Variants in TENM3 observed in about 807,000 individuals in gnomAD.
The protein encoded by TENM3 is teneurin transmembrane protein 3.
In TENM3, 63 loss-of-function variants were observed where a neutral mutation model predicts 255.1. That is an observed-to-expected ratio of 0.25 (90% confidence interval 0.20 to 0.30). TENM3 has a LOEUF of 0.30. TENM3 is among the 10% of genes least tolerant of loss of function. The pLI is 1.00. For missense variants in TENM3, 2,929 were observed against 3,461.1 expected (o/e 0.85, Z 3.86); for synonymous variants, 1,306 against 1,322.3 (o/e 0.99, Z 0.27).
the TENM3 span, among the ~76,000 whole-genome samples, chr4:181,529,639 C>G: frequency 6.6e-6 from 1 of 152,120 alleles, no homozygotes; most frequent in Non-Finnish European, 1.5e-5. Context: ...ATGAGCTGCA[C>G]TTGGAAATAA....
At chr4:182,466,416 C>G (rs1401743927) in intron 3 of TENM3, among the ~76,000 whole-genome samples, 1 of 152,148 alleles carries the variant, frequency 6.6e-6, no homozygotes, top group Non-Finnish European at 1.5e-5. Context: ...TCTTCTGTGT[C>G]TCTGTGAGGC....
intron 4 of TENM3, among the ~76,000 whole-genome samples, chr4:182,601,977 G>A (rs764210245): frequency 6.6e-6 from 1 of 152,184 alleles, no homozygotes; most frequent in Non-Finnish European, 1.5e-5. Flanking sequence ...AGGACTTCTC[G>A]CAAAGGCTGG....
intron 1 of TENM3, among the ~76,000 whole-genome samples, chr4:182,197,125 T>C (rs1252535217): frequency 1.3e-5 from 2 of 152,226 alleles, no homozygotes; most frequent in African/African-American, 4.8e-5. Context: ...TGTTAATCTA[T>C]TTCCTATACA....
chr4:181,654,007 C>G, the TENM3 span, among the ~76,000 whole-genome samples: 1 of 151,876 alleles, frequency 6.6e-6, no homozygotes, highest in Non-Finnish European at 1.5e-5. Flanking sequence ...CCCAGCCAGT[C>G]AGGCTGGCAA....
the TENM3 span, among the ~76,000 whole-genome samples, chr4:181,735,897 C>T: frequency 6.6e-6 from 1 of 152,168 alleles, no homozygotes; most frequent in African/African-American, 2.4e-5. Flanking sequence ...GTATTTTTGT[C>T]ATTTAAAGAC....
At chr4:181,971,281 T>C in the TENM3 span, among the ~76,000 whole-genome samples, 4 of 152,224 alleles carry the variant, frequency 2.6e-5, no homozygotes, top group Admixed American at 2.0e-4. Context: ...TGCCCCTTCA[T>C]ACTCTGTACC....
chr4:182,134,863 T>C, the TENM3 span, among the ~76,000 whole-genome samples: 1 of 152,040 alleles, frequency 6.6e-6, no homozygotes, highest in Non-Finnish European at 1.5e-5. Flanking sequence ...TTCTCAGAAA[T>C]GCATCACGCC....
In TENM3 at chr4:182,754,673, G is replaced by A; in HGVS notation, c.4306G>A (p.Gly1436Arg). 6.2e-7 allele frequency: 1 copy of A among 1,614,014 alleles called. No homozygotes were observed. The highest frequency in any genetic ancestry group is 8.5e-7 in the Non-Finnish European group (1 of 1,179,888). Residue 1436 changes from glycine to arginine, a missense_variant, in exon 22 of 28, where the codon GGA (glycine) becomes AGA (arginine). By Grantham distance (125) the Gly-to-Arg change is moderately radical. Transcript: ENST00000511685. This position sits in a 1 kb window ranked among gnomAD's most constrained non-coding sequence, Gnocchi z 5.1. ...CCGGATAAGGCAGGTCACAACAGAT[G>A]GAGAAATCTCCTTAGTGGCCGGAAT... is the stretch of plus-strand genomic sequence containing the variant. ...INRIRQVTTD[G>R]EISLVAGIPS...
chr4:182,730,423 A>G (rs1760598912), intron 15 of TENM3, 104 bp downstream of exon 15: 4 of 1,354,312 alleles, frequency 3.0e-6, no homozygotes, highest in Non-Finnish European at 4.0e-6. Context: ...ATGGAAATGC[A>G]GCAACTTTTT....
intron 3 of TENM3, among the ~76,000 whole-genome samples, chr4:182,588,692 T>C (rs1047856952): frequency 3.3e-5 from 5 of 152,120 alleles, no homozygotes; most frequent in Non-Finnish European, 7.4e-5. Flanking sequence ...TTAAAGGTAT[T>C]TTTATCCAGT....
chr4:182,746,805 G>C (rs1418132703), intron 19 of TENM3, among the ~76,000 whole-genome samples: 1 of 152,172 alleles, frequency 6.6e-6, no homozygotes, highest in East Asian at 1.9e-4. Context: ...ATTTGTCTAA[G>C]TGATAAGAAA....
chr4:182,755,626 CAG>C (rs1762683519), intron 22 of TENM3, among the ~76,000 whole-genome samples: 1 of 152,102 alleles, frequency 6.6e-6, no homozygotes, highest in Admixed American at 6.5e-5. Context: ...ATCACGAGGT[CAG>C]AAGATCGAGA....
At chr4:181,478,210 C>T in the TENM3 span, among the ~76,000 whole-genome samples, 3 of 152,124 alleles carry the variant, frequency 2.0e-5, no homozygotes, top group Non-Finnish European at 4.4e-5. Flanking sequence ...AAAATCAGTC[C>T]ATAAAATGCA....
chr4:181,732,350 C>T, the TENM3 span, among the ~76,000 whole-genome samples: 1 of 152,168 alleles, frequency 6.6e-6, no homozygotes, highest in Non-Finnish European at 1.5e-5. Context: ...CTAGAAACAT[C>T]CCTCTACTAA....
chr4:181,605,116 G>A, the TENM3 span, among the ~76,000 whole-genome samples: 1 of 151,982 alleles, frequency 6.6e-6, no homozygotes, highest in East Asian at 1.9e-4. Flanking sequence ...TTAGCTCATG[G>A]GGTAAAGAAA....
chr4:182,383,969 G>A (rs1304738056), intron 3 of TENM3, among the ~76,000 whole-genome samples: 1 of 152,272 alleles, frequency 6.6e-6, no homozygotes, highest in East Asian at 1.9e-4. Flanking sequence ...CATGCACAGT[G>A]TATATTCTTG....
At chr4:181,560,110 C>T in the TENM3 span, among the ~76,000 whole-genome samples, 1 of 152,174 alleles carries the variant, frequency 6.6e-6, no homozygotes, top group Non-Finnish European at 1.5e-5. Context: ...ATGCATTTCT[C>T]GTGGTCTTGG....
chr4:182,228,078 G>A (rs1756296421), intron 1 of TENM3, among the ~76,000 whole-genome samples: 1 of 152,080 alleles, frequency 6.6e-6, no homozygotes, highest in Non-Finnish European at 1.5e-5. Context: ...GCGGGTTGGG[G>A]CAGGAGGAGG....
chr4:181,704,663 A>G, the TENM3 span, among the ~76,000 whole-genome samples: 3 of 152,120 alleles, frequency 2.0e-5, no homozygotes, highest in Non-Finnish European at 4.4e-5. Flanking sequence ...TATAATATTT[A>G]CCCAGCAGCT....
Sources: gnomAD v4.1 joint callset for allele counts (sites outside exome capture counted in the v4.1 genomes callset) on GRCh38, gnomAD v4.1.1 for gene constraint, Gnocchi (gnomAD v3.1) non-coding constraint, MANE v1.5 for transcripts, NCBI Gene and HGNC (gene_info 2026-07-23, HGNC 2026-07-21) for gene names.